NR6A1: variants seen among roughly 807,000 people sequenced by gnomAD.
The protein encoded by NR6A1 is nuclear receptor subfamily 6 group A member 1, also known as retinoic acid receptor-related testis-associated receptor.
A neutral mutation model predicts 59.1 loss-of-function variants in NR6A1; 7 were observed. The ratio of observed to expected loss-of-function variants is 0.12; its 90% confidence interval spans 0.07 to 0.22. The LOEUF is 0.22. NR6A1 is among the 10% of genes least tolerant of loss of function. NR6A1 has a pLI of 1.00. For synonymous variants in NR6A1, 243 were observed against 236.1 expected (o/e 1.03, Z -0.27); for missense variants, 468 against 611.6 (o/e 0.77, Z 2.48).
At chr9:124,585,643 C>T (rs1834909017) in intron 2 of NR6A1, among the ~76,000 whole-genome samples, 1 of 150,300 alleles carries the variant, frequency 6.7e-6, no homozygotes, top group Admixed American at 6.6e-5. Flanking sequence ...AAGGTGGCTA[C>T]ACTAAACAAC....
chr9:124,765,185 T>C (rs74834047), intron 1 of NR6A1, among the ~76,000 whole-genome samples: 2,626 of 152,306 alleles, frequency 0.017, 85 homozygotes, highest in African/African-American at 0.06. Flanking sequence ...TTTGAGATTA[T>C]ATAATGCTGA....
At chr9:124,713,479 T>C (rs1839338667) in intron 2 of NR6A1, among the ~76,000 whole-genome samples, 1 of 152,130 alleles carries the variant, frequency 6.6e-6, no homozygotes, top group Admixed American at 6.5e-5. Context: ...GATGAAAATA[T>C]TTGCAAATCA....
At chr9:124,760,006 C>T (rs1209463127) in intron 1 of NR6A1, among the ~76,000 whole-genome samples, 6 of 151,090 alleles carry the variant, frequency 4.0e-5, no homozygotes, top group Non-Finnish European at 7.4e-5. Flanking sequence ...CACCACTGCA[C>T]TCCAACCTGG....
chr9:124,637,717 C>T (rs1836651935), intron 2 of NR6A1, among the ~76,000 whole-genome samples: 1 of 151,788 alleles, frequency 6.6e-6, no homozygotes, highest in African/African-American at 2.4e-5. Context: ...ATGGTGAAAC[C>T]CCATCTCTAT....
In NR6A1 at chr9:124,521,673, C is replaced by G. The variant is rs1432378304; in HGVS notation, c.*1032G>C. ...AAAAGGGGAGTGTCTATTCTTTTTG[C>G]AGTCTGGCCTTGCCCTACTACCCTT... On this transcript the variant is annotated 3_prime_UTR_variant, in exon 10 of 10. Coordinates refer to ENST00000487099, the MANE Select transcript of NR6A1 (RefSeq NM_033334.4). 1 of 152,184 alleles carries G rather than the reference C, an allele frequency of 6.6e-6. No homozygotes were observed. Among genetic ancestry groups the G allele is most frequent in the Non-Finnish European group, 1.5e-5 (1 of 68,042 alleles). The allele number at this position is 152,184 out of a possible 1,614,324, so 9.4% of individuals were successfully genotyped here.
chr9:124,748,715 A>T (rs1480967230), intron 1 of NR6A1, among the ~76,000 whole-genome samples: 1 of 151,832 alleles, frequency 6.6e-6, no homozygotes, highest in African/African-American at 2.4e-5. Context: ...AAAAAAAAAA[A>T]TTAGCCAGGC....
intron 2 of NR6A1, among the ~76,000 whole-genome samples, chr9:124,631,487 A>T (rs1347563512): frequency 6.6e-6 from 1 of 152,240 alleles, no homozygotes; most frequent in Non-Finnish European, 1.5e-5. Flanking sequence ...ACCACTCTGT[A>T]ATCTCACAGA....
At chr9:124,565,458 TA>T (rs113562364) in intron 2 of NR6A1, among the ~76,000 whole-genome samples, 19,134 of 149,744 alleles carry the variant, frequency 0.13, 3,237 homozygotes, top group African/African-American at 0.38. Context: ...CAAAAACAAT[TA>T]AAAAAAAAGT....
At chr9:124,673,819 AG>A (rs1837871029) in intron 2 of NR6A1, among the ~76,000 whole-genome samples, 1 of 152,206 alleles carries the variant, frequency 6.6e-6, no homozygotes, top group Non-Finnish European at 1.5e-5. Flanking sequence ...AAGATAAGCA[AG>A]GGCAATAATT....
At chr9:124,744,193 T>A (rs1205148520) in intron 1 of NR6A1, among the ~76,000 whole-genome samples, 1 of 152,032 alleles carries the variant, frequency 6.6e-6, no homozygotes, top group Non-Finnish European at 1.5e-5. Context: ...TGAGCCAGGA[T>A]CACTGCACTC....
At chr9:124,683,004 A>G (rs1838216212) in intron 2 of NR6A1, among the ~76,000 whole-genome samples, 1 of 152,074 alleles carries the variant, frequency 6.6e-6, no homozygotes, top group South Asian at 2.1e-4. Context: ...CCAGGAGCTC[A>G]AGACCAGCCT....
At position 124,733,265 on chromosome 9, in the gene NR6A1, T is replaced by A. The variant is rs755147528; in HGVS notation, c.142+43A>T. On this transcript the variant is annotated intron_variant, in intron 2 of 9. Transcript: ENST00000487099. ...ATTCACTTAAAAGTGTACACACACA[T>A]CCTTTTCTTACCAAAGAATATTGGG... is the stretch of plus-strand genomic sequence containing the variant. The A allele has an allele frequency of 7.6e-6, 11 of 1,455,422 alleles. No individual in the cohort carries two copies. In the East Asian group the frequency reaches 2.5e-4, roughly 33 times the overall value. The allele number at this position is 1,455,422 out of a possible 1,614,324, so 90.2% of individuals were successfully genotyped here. A position where few individuals can be genotyped will look rare whatever the true frequency, so the allele number is the denominator to read the frequency against.
chr9:124,621,277 T>C (rs1389443476), intron 2 of NR6A1, among the ~76,000 whole-genome samples: 1 of 152,168 alleles, frequency 6.6e-6, no homozygotes, highest in Non-Finnish European at 1.5e-5. Context: ...TCATTATGGA[T>C]ATGCATAGAT....
chr9:124,541,216 TTATCATACA>T (rs1278745190), intron 4 of NR6A1, among the ~76,000 whole-genome samples: 1 of 151,940 alleles, frequency 6.6e-6, no homozygotes, highest in Non-Finnish European at 1.5e-5. Context: ...GGAGAATATA[TTATCATACA>T]TTTGATAAGG....
At chr9:124,637,166 A>G (rs1051175139) in intron 2 of NR6A1, among the ~76,000 whole-genome samples, 3 of 152,182 alleles carry the variant, frequency 2.0e-5, no homozygotes, top group Admixed American at 1.3e-4. Flanking sequence ...GGCAGAGAAA[A>G]GGCAGGAGTA....
chr9:124,619,180 T>C (rs752191221), intron 2 of NR6A1, among the ~76,000 whole-genome samples: 2 of 152,150 alleles, frequency 1.3e-5, no homozygotes, highest in Non-Finnish European at 2.9e-5. Flanking sequence ...ATGAGACAGA[T>C]CCATGAATCA....
intron 2 of NR6A1, among the ~76,000 whole-genome samples, chr9:124,569,630 C>G (rs556735235): frequency 6.6e-6 from 1 of 152,186 alleles, no homozygotes; most frequent in African/African-American, 2.4e-5. Context: ...GTTGTACATT[C>G]TAAGGACTGA....
chr9:124,649,291 G>A (rs1837030585), intron 2 of NR6A1, among the ~76,000 whole-genome samples: 1 of 133,414 alleles, frequency 7.5e-6, no homozygotes, highest in Non-Finnish European at 1.6e-5. Flanking sequence ...AGAGAACCCA[G>A]AATAAATCCA....
At chr9:124,624,546 C>A (rs1161535812) in intron 2 of NR6A1, among the ~76,000 whole-genome samples, 1 of 152,160 alleles carries the variant, frequency 6.6e-6, no homozygotes, top group Middle Eastern at 3.2e-3. Context: ...TGAGAATGTG[C>A]AGAGACAGAA....
Sources: gnomAD v4.1 joint callset for allele counts (sites outside exome capture counted in the v4.1 genomes callset) on GRCh38, gnomAD v4.1.1 for gene constraint, MANE v1.5 for transcripts, NCBI Gene and HGNC (gene_info 2026-07-23, HGNC 2026-07-21) for gene names.